The following CMIP variants were observed in gnomAD, a reference collection of about 807,000 sequenced individuals.
The protein encoded by CMIP is c-Maf inducing protein, also known as C-Maf-inducing protein.
In CMIP, 13 loss-of-function variants were observed where a neutral mutation model predicts 97.3. The observed-to-expected ratio is 0.13, with a 90% CI of 0.09 to 0.21. The LOEUF is 0.21. Among genes scored for constraint, CMIP ranks in the 10% least tolerant of loss-of-function variants. The pLI is 1.00. For missense variants in CMIP, 847 were observed against 1,024.9 expected, an observed-to-expected ratio of 0.83 and a Z score of 2.37; for synonymous variants, 538 against 436.3, an observed-to-expected ratio of 1.23 and a Z score of -2.91.
At chr16:81,661,580 C>G (rs533958157) in intron 6 of CMIP, among the ~76,000 whole-genome samples, 6 of 152,326 alleles carry the variant, frequency 3.9e-5, no homozygotes, top group Non-Finnish European at 7.4e-5. Flanking sequence ...CTCAGCTGGT[C>G]CTCATCCCTC....
At chr16:81,557,909 T>G (rs2090798177) in intron 1 of CMIP, among the ~76,000 whole-genome samples, 1 of 152,182 alleles carries the variant, frequency 6.6e-6, no homozygotes, top group Admixed American at 6.5e-5. Context: ...CTTTTCATCT[T>G]ATCAGACAGA....
At chr16:81,691,128 C>CTA (rs1325883452) in intron 10 of CMIP, among the ~76,000 whole-genome samples, 2 of 152,128 alleles carry the variant, frequency 1.3e-5, no homozygotes, top group Non-Finnish European at 2.9e-5. Context: ...GCTAGGACTG[C>CTA]TATAAAGTAC....
intron 1 of CMIP, among the ~76,000 whole-genome samples, chr16:81,472,809 G>T (rs1332413068): frequency 2.6e-5 from 4 of 152,182 alleles, no homozygotes; most frequent in African/African-American, 9.7e-5. Flanking sequence ...TGCACAGTGG[G>T]GTGTGGAGGC....
At position 81,445,182 on chromosome 16, in the gene CMIP, G is replaced by C; in HGVS notation, c.-60G>C. ...GGCCGCCGGATCCGGGGGCCCCGCC[G>C]CCCCAGCAGCCCAGGACAGCCCCCT... On this transcript the variant is annotated 5_prime_UTR_variant, in exon 1 of 21. Transcript: ENST00000537098. 2 of 1,136,188 alleles carry C rather than the reference G, an allele frequency of 1.8e-6. No individual in the cohort carries two copies. Among genetic ancestry groups the C allele is most frequent in the Non-Finnish European group, 2.3e-6 (2 of 872,902 alleles). The allele number at this position is 1,136,188 out of a possible 1,614,324, so 70.4% of individuals were successfully genotyped here.
intron 1 of CMIP, among the ~76,000 whole-genome samples, chr16:81,577,052 C>T (rs12930309): frequency 0.029 from 4,043 of 139,398 alleles, 191 homozygotes; most frequent in African/African-American, 0.083. Context: ...ACCATCATAA[C>T]CATCACCTTT....
At chr16:81,466,208 G>A (rs1167092009) in intron 1 of CMIP, among the ~76,000 whole-genome samples, 1 of 152,106 alleles carries the variant, frequency 6.6e-6, no homozygotes, top group East Asian at 1.9e-4. Flanking sequence ...CTGCGGGTGT[G>A]TGCCACCACA....
intron 1 of CMIP, among the ~76,000 whole-genome samples, chr16:81,531,010 G>A (rs2150822428): frequency 6.6e-6 from 1 of 152,278 alleles, no homozygotes; most frequent in South Asian, 2.1e-4. Flanking sequence ...GTTATGGGTT[G>A]AACTGTAGCC....
intron 3 of CMIP, among the ~76,000 whole-genome samples, chr16:81,629,847 G>A (rs991613906): frequency 1.3e-5 from 2 of 152,204 alleles, no homozygotes; most frequent in Non-Finnish European, 2.9e-5. Flanking sequence ...CCTTCGGGTC[G>A]TTCCCAGCTT....
At chr16:81,467,426 C>T (rs770536197) in intron 1 of CMIP, among the ~76,000 whole-genome samples, 106 of 152,288 alleles carry the variant, frequency 7.0e-4, no homozygotes, top group Middle Eastern at 3.4e-3. Context: ...CTCTTTACCC[C>T]GTAAAGGCCT....
At chr16:81,626,619 G>T (rs952588726) in intron 3 of CMIP, among the ~76,000 whole-genome samples, 2 of 149,660 alleles carry the variant, frequency 1.3e-5, no homozygotes, top group African/African-American at 2.5e-5. Context: ...GCGTGTGTGT[G>T]TGGTGTGTGG....
At chr16:81,624,109 T>G (rs1042125057) in intron 3 of CMIP, among the ~76,000 whole-genome samples, 24 of 146,228 alleles carry the variant, frequency 1.6e-4, no homozygotes, top group African/African-American at 6.2e-4. Flanking sequence ...GTTTCTTTTC[T>G]CTTTTCTCTG....
At chr16:81,682,296 G>T (rs1210693470) in intron 10 of CMIP, among the ~76,000 whole-genome samples, 1 of 152,292 alleles carries the variant, frequency 6.6e-6, no homozygotes, top group East Asian at 1.9e-4. Context: ...CAGGCTCGGT[G>T]GCTCACACCT....
At chr16:81,463,027 C>T (rs986539328) in intron 1 of CMIP, among the ~76,000 whole-genome samples, 3 of 151,996 alleles carry the variant, frequency 2.0e-5, no homozygotes, top group Non-Finnish European at 4.4e-5. Flanking sequence ...AAGTATGGAT[C>T]CTTTACTGAG....
rs1178618347 is a variant in CMIP at position 81,626,335 on chromosome 16, CT to C, written c.477+5410del. On this transcript the variant is annotated intron_variant, in intron 3 of 20. Coordinates refer to ENST00000537098, the MANE Select transcript of CMIP (RefSeq NM_198390.3). ...GAGTGTGGTGAGGTGACTGGTGTGT[CT>C]GTGTGTGGTGTGTGAGGTGACTGTT... 3.3e-5 allele frequency among the ~76,000 whole-genome samples: 5 copies of C among 149,598 alleles called. No homozygotes were observed. The East Asian group carries it at 9.9e-4, about 30-fold the overall frequency.
chr16:81,479,264 A>C (rs1461938873), intron 1 of CMIP, among the ~76,000 whole-genome samples: 1 of 152,172 alleles, frequency 6.6e-6, no homozygotes, highest in Non-Finnish European at 1.5e-5. Flanking sequence ...TCCTATGGTA[A>C]GGAGGTGGGG....
chr16:81,490,024 G>A (rs1490091282), intron 1 of CMIP, among the ~76,000 whole-genome samples: 2 of 152,202 alleles, frequency 1.3e-5, no homozygotes, highest in African/African-American at 4.8e-5. Context: ...GGTCCCTGGG[G>A]AGTGAGAGGG....
rs149794538 is a variant in CMIP at position 81,608,166 on chromosome 16, G to T, written c.426+474G>T. On this transcript the variant is annotated intron_variant, in intron 2 of 20. Transcript: ENST00000537098. ...AAGCTATCTTTTTGGGAAAAAAAGT[G>T]CATTCTGTATGTACTGGTCAGGACG... Among the ~76,000 whole-genome samples, 153 of 152,318 alleles carry T rather than the reference G, an allele frequency of 1.0e-3. 1 individual carries two copies. Among genetic ancestry groups the T allele is most frequent in the African/African-American group, 3.6e-3 (151 of 41,570 alleles).
chr16:81,445,982 A>G (rs968124841), intron 1 of CMIP, among the ~76,000 whole-genome samples: 2 of 151,500 alleles, frequency 1.3e-5, no homozygotes, highest in African/African-American at 4.9e-5. Flanking sequence ...AAAACAAACA[A>G]CACAACAAAA....
chr16:81,496,392 A>G (rs927245313), intron 1 of CMIP, among the ~76,000 whole-genome samples: 3 of 152,182 alleles, frequency 2.0e-5, no homozygotes, highest in African/African-American at 7.2e-5. Context: ...AGTGAAACCT[A>G]TTTAGAATTT....
Sources: gnomAD v4.1 joint callset for allele counts (sites outside exome capture counted in the v4.1 genomes callset) on GRCh38, gnomAD v4.1.1 for gene constraint, MANE v1.5 for transcripts, NCBI Gene and HGNC (gene_info 2026-07-23, HGNC 2026-07-21) for gene names.